The following PCDHGB1 variants were observed in gnomAD, a reference collection of about 807,000 sequenced individuals.
PCDHGB1 encodes the protein protocadherin gamma subfamily B, 1.
A neutral mutation model predicts 56.6 loss-of-function variants in PCDHGB1; 34 were observed. The observed-to-expected ratio is 0.60, with a 90% confidence interval of 0.46 to 0.80. The LOEUF (loss-of-function observed/expected upper bound fraction) is 0.80. Among genes scored for constraint, PCDHGB1 ranks in the 30% least tolerant of loss-of-function variants. The pLI is 0.00. For missense variants in PCDHGB1, 1,278 were observed against 1,204.6 expected, an observed-to-expected ratio of 1.06 and a Z score of -0.90; for synonymous variants, 561 against 505.9, an observed-to-expected ratio of 1.11 and a Z score of -1.46.
chr5:141,414,526 G>T, intron 1 of PCDHGB1: 1 of 1,613,912 alleles, frequency 6.2e-7, no homozygotes, highest in Non-Finnish European at 8.5e-7. Flanking sequence ...AGATATCAAT[G>T]ACAACCCACC....
chr5:141,380,135 A>G lies in PCDHGB1; in HGVS notation c.2409+27466A>G, dbSNP rs142315554. 7.2e-4 allele frequency among the ~76,000 whole-genome samples: 110 copies of G among 151,952 alleles called. 5 individuals carry two copies. The East Asian group carries it at 0.018, about 25-fold the overall frequency. On this transcript the variant is annotated intron_variant, in intron 1 of 3. Transcript: ENST00000523390. ...GGCTGGTCTCAAACTCCTGACCTTA[A>G]GTGATCCACCCGCCTCAGCCTCTCA...
chr5:141,352,944 T>G (rs1408217217), intron 1 of PCDHGB1, among the ~76,000 whole-genome samples: 1 of 152,162 alleles, frequency 6.6e-6, no homozygotes, highest in African/African-American at 2.4e-5. Flanking sequence ...GCCAAGAGTG[T>G]GCCACTGCAC....
chr5:141,361,201 C>T, intron 1 of PCDHGB1: 1 of 1,613,980 alleles, frequency 6.2e-7, no homozygotes, highest in Non-Finnish European at 8.5e-7. Flanking sequence ...ATCTACTCCC[C>T]TACCGGAGGA....
rs766431596 is a variant in PCDHGB1 at position 141,422,883 on chromosome 5, C to T, written c.2409+70214C>T. The T allele has an allele frequency of 3.7e-6, 6 of 1,614,124 alleles. No homozygotes were observed. The African/African-American group carries it at 4.0e-5, about 11-fold the overall frequency. Reference sequence around the variant, plus strand: ...GCAGCAACGTGTCGCTGAGCCTGTTCGTGCTGGACCAGAACGACAATGCGC... The same window carrying T: ...GCAGCAACGTGTCGCTGAGCCTGTTTGTGCTGGACCAGAACGACAATGCGC... On this transcript the variant is annotated intron_variant, in intron 1 of 3. Transcript: ENST00000523390.
chr5:141,391,560 T>C (rs981712066), intron 1 of PCDHGB1: 2 of 152,242 alleles, frequency 1.3e-5, no homozygotes, highest in African/African-American at 4.8e-5. Context: ...GTTTTCCATA[T>C]GCATAAGAAA....
chr5:141,373,994 G>C lies in PCDHGB1; in HGVS notation c.2409+21325G>C, dbSNP rs1355942933. 8.0e-6 allele frequency: 10 copies of C among 1,243,924 alleles called. 1 individual carries two copies. Among genetic ancestry groups the C allele is most frequent in the African/African-American group, 3.0e-5 (2 of 65,694 alleles). The allele number at this position is 1,243,924 out of a possible 1,614,324, so 77.1% of individuals were successfully genotyped here. A position where few individuals can be genotyped will look rare whatever the true frequency, so the allele number is the denominator to read the frequency against. On this transcript the variant is annotated intron_variant, in intron 1 of 3. Transcript: ENST00000523390. ...CGCATCCGGTCTCTGCTTGTTGAAG[G>C]ACCTTCACCGCTATTTCTGAGAAGA...
chr5:141,489,060 TC>T lies in PCDHGB1; in HGVS notation c.2410-5741del, dbSNP rs1037208652. 41 of 300,146 alleles carry T rather than the reference TC, an allele frequency of 1.4e-4. No individual in the cohort carries two copies. The highest frequency in any genetic ancestry group is 2.3e-4 in the Non-Finnish European group (38 of 162,914). The allele number at this position is 300,146 out of a possible 1,614,324, so 18.6% of individuals were successfully genotyped here. A position where few individuals can be genotyped will look rare whatever the true frequency, so the allele number is the denominator to read the frequency against. On this transcript the variant is annotated intron_variant, in intron 1 of 3. Coordinates refer to ENST00000523390, the MANE Select transcript of PCDHGB1 (RefSeq NM_018922.3). This position sits in a 1 kb window ranked among gnomAD's most constrained non-coding sequence, Gnocchi z 4.5. ...CAGCTCCACTCAAATTCAGCTCCCC[TC>T]CCCCCTGCCCACCCCCGCCACTCGG...
chr5:141,352,742 C>T, intron 1 of PCDHGB1, 73 bp downstream of exon 1: 1 of 1,466,892 alleles, frequency 6.8e-7, no homozygotes, highest in Non-Finnish European at 9.2e-7. Flanking sequence ...GTAATCCCAG[C>T]ACTTAACCAG....
At chr5:141,399,564 G>C (rs1284243936) in intron 1 of PCDHGB1, 3 of 1,614,038 alleles carry the variant, frequency 1.9e-6, no homozygotes, top group East Asian at 4.5e-5. Flanking sequence ...ACTTGGGGTT[G>C]AACGGCCAAG....
intron 1 of PCDHGB1, chr5:141,361,630 C>T (rs1174960250): frequency 1.2e-6 from 2 of 1,613,914 alleles, no homozygotes; most frequent in South Asian, 1.1e-5. Context: ...CCTGAAGCCG[C>T]GGGAGATTTT....
intron 1 of PCDHGB1, chr5:141,383,530 G>A: frequency 6.2e-7 from 1 of 1,612,674 alleles, no homozygotes; most frequent in Non-Finnish European, 8.5e-7. Flanking sequence ...TCACCACCTG[G>A]TCCTCACAGC....
chr5:141,491,322 C>T lies in PCDHGB1; in HGVS notation c.2410-3485C>T. 6.2e-7 allele frequency: 1 copy of T among 1,614,156 alleles called. No individual in the cohort carries two copies. Among genetic ancestry groups the T allele is most frequent in the East Asian group, 2.2e-5 (1 of 44,860 alleles). On this transcript the variant is annotated intron_variant, in intron 1 of 3. Coordinates refer to ENST00000523390, the MANE Select transcript of PCDHGB1 (RefSeq NM_018922.3). This position sits in a 1 kb window ranked among gnomAD's most constrained non-coding sequence, Gnocchi z 6.9. ...AGCGTTCAGACCTTACCCTTTACCT[C>T]ATTGTGGCTCTAGCGACCGTCAGTC...
chr5:141,448,720 C>T (rs545687728), intron 1 of PCDHGB1, among the ~76,000 whole-genome samples: 24 of 152,030 alleles, frequency 1.6e-4, no homozygotes, highest in African/African-American at 5.8e-4. Flanking sequence ...GCGGGAGGAT[C>T]ACGAGGTCAG....
chr5:141,506,115 T>C (rs1211973354), intron 3 of PCDHGB1, among the ~76,000 whole-genome samples: 1 of 152,062 alleles, frequency 6.6e-6, no homozygotes, highest in Admixed American at 6.5e-5. Context: ...GAAGAGTCAC[T>C]AGGGCCCAGA....
Position 141,421,742 on chromosome 5 carries a change from A to G in PCDHGB1, c.2409+69073A>G, listed in dbSNP as rs772984365. The stretch of plus-strand genomic sequence containing the variant: ...GGCGTGAACTCCCTCCAGAGCTACC[A>G]GCTCAGCCCTAATAATTACTTTTCC... On this transcript the variant is annotated intron_variant, in intron 1 of 3. Transcript: ENST00000523390. The G allele has an allele frequency of 4.3e-6, 7 of 1,613,826 alleles. No individual in the cohort carries two copies. The East Asian group carries it at 1.3e-4, about 31-fold the overall frequency.
intron 1 of PCDHGB1, among the ~76,000 whole-genome samples, chr5:141,439,623 C>T (rs1219064055): frequency 6.6e-6 from 1 of 152,186 alleles, no homozygotes; most frequent in East Asian, 1.9e-4. Context: ...ATGAGCCAAT[C>T]CCCAGACATT....
chr5:141,403,465 G>A, intron 1 of PCDHGB1: 1 of 1,614,018 alleles, frequency 6.2e-7, no homozygotes, highest in Non-Finnish European at 8.5e-7. Context: ...AGAGCTACCA[G>A]CTCAGCCCCA....
At chr5:141,378,267 G>C (rs747573302) in intron 1 of PCDHGB1, 4 of 152,292 alleles carry the variant, frequency 2.6e-5, no homozygotes, top group Non-Finnish European at 5.9e-5. Context: ...GCTCATGCCT[G>C]TAATCCCAAC....
chr5:141,409,628 G>T (rs367728235), intron 1 of PCDHGB1: 1 of 1,613,848 alleles, frequency 6.2e-7, no homozygotes. Flanking sequence ...GCAAGTGAGC[G>T]CCTCTGACCC....
Sources: allele counts gnomAD v4.1 joint callset (sites outside exome capture counted in the v4.1 genomes callset), GRCh38; gene constraint gnomAD v4.1.1; non-coding constraint Gnocchi (gnomAD v3.1); transcripts MANE v1.5; gene names NCBI Gene and HGNC (gene_info 2026-07-23, HGNC 2026-07-21).